Variants in TEK observed in about 807,000 individuals in gnomAD.
The protein encoded by TEK is TEK receptor tyrosine kinase.
A neutral mutation model predicts 131.8 loss-of-function variants in TEK; 43 were observed. The ratio of observed to expected loss-of-function variants is 0.33; its 90% CI spans 0.26 to 0.42. The LOEUF is 0.42. Among genes scored for constraint, TEK ranks in the 10% least tolerant of loss-of-function variants. TEK has a pLI of 1.00. For missense variants in TEK, 1,162 were observed against 1,384.4 expected, an observed-to-expected ratio of 0.84 and a Z score of 2.55; for synonymous variants, 580 against 491.6, an observed-to-expected ratio of 1.18 and a Z score of -2.38.
intron 21 of TEK, among the ~76,000 whole-genome samples, chr9:27,223,677 A>T (rs1587053240): frequency 6.6e-6 from 1 of 152,332 alleles, no homozygotes; most frequent in African/African-American, 2.4e-5. Context: ...AAAGATCTAA[A>T]ATTGACACCC....
intron 5 of TEK, 110 bp downstream of exon 5, chr9:27,172,857 T>G (rs554010053): frequency 4.2e-6 from 6 of 1,427,188 alleles, no homozygotes; most frequent in Non-Finnish European, 5.8e-6. Flanking sequence ...TGGCCTCTGT[T>G]AGGTCAGATG....
chr9:27,173,722 TGTTTTTTTTTTTTG>T (rs1824051403), intron 6 of TEK, among the ~76,000 whole-genome samples: 2 of 124,252 alleles, frequency 1.6e-5, no homozygotes, highest in African/African-American at 6.3e-5. Flanking sequence ...ATAGAAGACT[TGTTTTTTTTTTTTG>T]GTTTTTTTTT....
chr9:27,135,805 C>T (rs112995725), intron 1 of TEK, among the ~76,000 whole-genome samples: 1,710 of 152,238 alleles, frequency 0.011, 39 homozygotes, highest in African/African-American at 0.039. Context: ...AGGCATAGCA[C>T]TGCACAGGCA....
At chr9:27,140,302 T>TA (rs1416424294) in intron 1 of TEK, among the ~76,000 whole-genome samples, 1 of 151,820 alleles carries the variant, frequency 6.6e-6, no homozygotes, top group Non-Finnish European at 1.5e-5. Context: ...AAGGCATACA[T>TA]ACTTTTTATG....
At chr9:27,121,747 G>T (rs117205553) in intron 1 of TEK, among the ~76,000 whole-genome samples, 1 of 152,104 alleles carries the variant, frequency 6.6e-6, no homozygotes, top group African/African-American at 2.4e-5. Context: ...TGTAGACTCA[G>T]TAAGAATCAC....
At chr9:27,209,029 G>A in intron 15 of TEK, 92 bp from the exon 16 acceptor site, 1 of 804,194 alleles carries the variant, frequency 1.2e-6, no homozygotes, top group Non-Finnish European at 2.2e-6. Context: ...TGGTGACTGA[G>A]GGTAGCTGAA....
At chr9:27,223,282 G>A (rs890640476) in intron 21 of TEK, among the ~76,000 whole-genome samples, 8 of 151,744 alleles carry the variant, frequency 5.3e-5, no homozygotes, top group South Asian at 2.1e-4. Flanking sequence ...AGACCTAATA[G>A]ACATCTACAG....
intron 16 of TEK, among the ~76,000 whole-genome samples, chr9:27,211,692 A>G (rs546788849): frequency 6.6e-6 from 1 of 151,304 alleles, no homozygotes; most frequent in Non-Finnish European, 1.5e-5. Flanking sequence ...CTGGTCTCAA[A>G]CTCCTGGGCT....
intron 2 of TEK, among the ~76,000 whole-genome samples, chr9:27,166,000 C>G (rs751520120): frequency 1.3e-5 from 2 of 152,364 alleles, no homozygotes; most frequent in African/African-American, 4.8e-5. Flanking sequence ...GCCAGTGGCG[C>G]GCACAGCGCT....
At position 27,158,153 on chromosome 9, in the gene TEK, C is replaced by T. The variant is rs766350187; in HGVS notation, c.364+11C>T. The T allele has an allele frequency of 4.3e-6, 7 of 1,613,826 alleles. No homozygotes were observed. Among genetic ancestry groups the T allele is most frequent in the African/African-American group, 1.3e-5 (1 of 74,884 alleles). On this transcript the variant is annotated intron_variant, in intron 2 of 22. Transcript: ENST00000380036. ...AGATGCGTCAACAAGGTAACATGCC[C>T]CTAAGTTTTGGGCAGGTGAGGCCCA...
chr9:27,170,568 T>A (rs968202990), intron 4 of TEK, among the ~76,000 whole-genome samples: 16 of 151,796 alleles, frequency 1.1e-4, no homozygotes, highest in African/African-American at 3.9e-4. Context: ...GAGGCTGCAG[T>A]GGGCCAGGCT....
chr9:27,153,429 G>A (rs773231129), intron 1 of TEK, among the ~76,000 whole-genome samples: 24 of 152,234 alleles, frequency 1.6e-4, no homozygotes, highest in Non-Finnish European at 3.2e-4. Context: ...CAGCCTGGGC[G>A]ACAGGGCGAG....
chr9:27,182,982 C>T (rs1294153258), intron 7 of TEK, among the ~76,000 whole-genome samples: 1 of 152,200 alleles, frequency 6.6e-6, no homozygotes, highest in Non-Finnish European at 1.5e-5. Context: ...AATGAGACAT[C>T]TCTCGTATAT....
rs1253878620 is a variant in TEK at position 27,109,624 on chromosome 9, G to A, written c.34G>A (p.Val12Ile). 4 of 1,614,182 alleles carry A rather than the reference G, an allele frequency of 2.5e-6. No individual in the cohort carries two copies. In the South Asian group the frequency reaches 4.4e-5, roughly 18 times the overall value. The change falls in exon 1 of 23, where the codon GTC becomes ATC. Residue 12 changes from valine (V) to isoleucine (I), a missense_variant. Physicochemically the swap from Val to Ile is conservative, Grantham distance 29. Coordinates refer to ENST00000380036, the MANE Select transcript of TEK (RefSeq NM_000459.5). ...DSLASLVLCGVSLLLSGTVEG... is the reference protein window; with the variant it reads ...DSLASLVLCGISLLLSGTVEG... ...TTTAGCCAGCTTAGTTCTCTGTGGAGTCAGCTTGCTCCTTTCTGGTAAGGT... is the reference window on the plus strand; with the variant it reads ...TTTAGCCAGCTTAGTTCTCTGTGGAATCAGCTTGCTCCTTTCTGGTAAGGT...
rs564636876 is a variant in TEK, at chr9:27,152,278, C to G, written c.53-5553C>G. Among the ~76,000 whole-genome samples the G allele has an allele frequency of 2.6e-5, 4 of 152,180 alleles. No homozygotes were observed. The South Asian group carries it at 8.3e-4, about 32-fold the overall frequency. On this transcript the variant is annotated intron_variant, in intron 1 of 22. Transcript: ENST00000380036. ...TACAATTCTGAGGTAGTAAGAAGCACAAGGGAATAAGCCTGCGATGCAATA... is the reference window on the plus strand; with the variant it reads ...TACAATTCTGAGGTAGTAAGAAGCAGAAGGGAATAAGCCTGCGATGCAATA...
intron 3 of TEK, among the ~76,000 whole-genome samples, chr9:27,168,881 A>G (rs760711896): frequency 3.3e-5 from 5 of 152,264 alleles, no homozygotes; most frequent in Admixed American, 2.0e-4. Flanking sequence ...CTTCAGCCAT[A>G]TAAAGTGTGA....
intron 4 of TEK, among the ~76,000 whole-genome samples, chr9:27,170,521 A>G (rs183066406): frequency 1.2e-4 from 19 of 152,272 alleles, no homozygotes; most frequent in Admixed American, 1.2e-3. Context: ...GCTATTTGAC[A>G]GGTTGAGGTG....
Position 27,218,770 on chromosome 9 carries a change from C to A in TEK, c.3063-7C>A. The A allele has an allele frequency of 1.2e-6, 2 of 1,614,014 alleles. No individual in the cohort carries two copies. The highest frequency in any genetic ancestry group is 8.5e-7 in the Non-Finnish European group (1 of 1,179,958). On this transcript the variant is annotated splice_region_variant and splice_polypyrimidine_tract_variant and intron_variant, in intron 19 of 22. Transcript: ENST00000380036. The stretch of plus-strand genomic sequence containing the variant: ...GATTGTTGGTTTCACACTTGTCCCT[C>A]CTGCAGATGGTCCTATGGTGTGTTA...
intron 1 of TEK, among the ~76,000 whole-genome samples, chr9:27,138,334 C>G (rs764240290): frequency 1.2e-4 from 19 of 152,154 alleles, no homozygotes; most frequent in Non-Finnish European, 2.5e-4. Flanking sequence ...GCTGATTGGT[C>G]CATTTTACAG....
Sources: gnomAD v4.1 joint callset for allele counts (sites outside exome capture counted in the v4.1 genomes callset) on GRCh38, gnomAD v4.1.1 for gene constraint, MANE v1.5 for transcripts, NCBI Gene and HGNC (gene_info 2026-07-23, HGNC 2026-07-21) for gene names.